Variants in TXNDC11 observed in about 807,000 individuals in gnomAD.
The protein encoded by TXNDC11 is thioredoxin domain containing 11, also known as thioredoxin domain-containing protein 11.
TXNDC11 carries 68 observed loss-of-function variants against 78.0 expected under a neutral mutation model. The observed-to-expected ratio is 0.87, with a 90% CI of 0.72 to 1.07. TXNDC11 has a LOEUF of 1.07. Among genes scored for constraint, TXNDC11 ranks in the 50% least tolerant of loss-of-function variants. The pLI is 0.00. For synonymous variants in TXNDC11, 571 were observed against 495.2 expected (o/e 1.15, Z -2.03); for missense variants, 1,389 against 1,221.8 (o/e 1.14, Z -2.04).
At chr16:11,719,633 A>G (rs905486902) in intron 5 of TXNDC11, among the ~76,000 whole-genome samples, 3 of 152,262 alleles carry the variant, frequency 2.0e-5, no homozygotes, top group African/African-American at 7.2e-5. Context: ...TAATAGGGTC[A>G]TTAATGTGAT....
intron 5 of TXNDC11, among the ~76,000 whole-genome samples, chr16:11,700,977 G>A (rs1341550031): frequency 6.6e-6 from 1 of 152,032 alleles, no homozygotes. Context: ...CCACCTAACA[G>A]CTAATATTTA....
chr16:11,686,785 C>T (rs1230958738), intron 10 of TXNDC11, among the ~76,000 whole-genome samples: 1 of 152,212 alleles, frequency 6.6e-6, no homozygotes, highest in Admixed American at 6.5e-5. Context: ...TCTCAGCCAT[C>T]TTCTAAACCA....
intron 4 of TXNDC11, among the ~76,000 whole-genome samples, chr16:11,725,483 C>A (rs1305429187): frequency 6.6e-6 from 1 of 152,146 alleles, no homozygotes; most frequent in Non-Finnish European, 1.5e-5. Context: ...TGGGTAGATA[C>A]TGAAGTTTCA....
chr16:11,708,040 C>T (rs1442036639), intron 5 of TXNDC11, among the ~76,000 whole-genome samples: 1 of 152,082 alleles, frequency 6.6e-6, no homozygotes, highest in Admixed American at 6.5e-5. Context: ...GCTATAATTG[C>T]ACCACTGCAC....
chr16:11,699,041 C>A (rs1045391908), intron 6 of TXNDC11, among the ~76,000 whole-genome samples: 4 of 152,194 alleles, frequency 2.6e-5, no homozygotes, highest in African/African-American at 9.7e-5. Context: ...TGGCTTCAAA[C>A]AGAACTACCA....
chr16:11,708,599 GA>G (rs2051250840), intron 5 of TXNDC11, among the ~76,000 whole-genome samples: 2 of 152,200 alleles, frequency 1.3e-5, no homozygotes, highest in African/African-American at 4.8e-5. Flanking sequence ...GAACAAAATG[GA>G]ATATCGGGTC....
chr16:11,687,845 A>G lies in TXNDC11; in HGVS notation c.2153+12T>C, dbSNP rs372195541. 180 of 1,583,364 alleles carry G rather than the reference A, an allele frequency of 1.1e-4. 1 individual carries two copies. In the South Asian group the frequency reaches 1.6e-3, roughly 14 times the overall value. ...CATACAGCCCAAAGCGCTGCAGAAG[A>G]GGCCTGCTTACCTTGCCACAGTGAA... is the stretch of plus-strand genomic sequence containing the variant. On this transcript the variant is annotated intron_variant, in intron 10 of 11. Transcript: ENST00000283033.
rs758311372 is a variant in TXNDC11 at position 11,688,300 on chromosome 16, T to C, written c.2043+3A>G. ...TTAACTTTTGCCTCTCATGACTCCATACCTGTTTTTGAAGGACTACTTCCC... is the reference window on the plus strand; with the variant it reads ...TTAACTTTTGCCTCTCATGACTCCACACCTGTTTTTGAAGGACTACTTCCC... On this transcript the variant is annotated splice_donor_region_variant and intron_variant, in intron 9 of 11. Transcript: ENST00000283033. The C allele has an allele frequency of 4.3e-6, 7 of 1,613,134 alleles. No individual in the cohort carries two copies. Among genetic ancestry groups the C allele is most frequent in the African/African-American group, 1.3e-5 (1 of 74,830 alleles).
Position 11,727,379 on chromosome 16 carries a change from A to G in TXNDC11, c.699+3266T>C, listed in dbSNP as rs141911414. 1.6e-4 allele frequency among the ~76,000 whole-genome samples: 24 copies of G among 152,264 alleles called. No individual in the cohort carries two copies. In the East Asian group the frequency reaches 4.2e-3, roughly 27 times the overall value. On this transcript the variant is annotated intron_variant, in intron 4 of 11. Coordinates refer to ENST00000283033, the MANE Select transcript of TXNDC11 (RefSeq NM_015914.7). ...CAAACTTCAGAAGTGCCATGAAAAC[A>G]TTAATTATTTTGACCCAATTTTGAT...
chr16:11,708,022 C>T (rs1334511601), intron 5 of TXNDC11, among the ~76,000 whole-genome samples: 2 of 151,922 alleles, frequency 1.3e-5, no homozygotes, highest in African/African-American at 2.4e-5. Flanking sequence ...AGGTCAAGGC[C>T]GCAGTGAGCT....
chr16:11,741,768 C>G (rs1376314102), intron 1 of TXNDC11: 1 of 152,306 alleles, frequency 6.6e-6, no homozygotes, highest in Non-Finnish European at 1.5e-5. Context: ...GTGCGGGGCT[C>G]TCGCCTGTAA....
At chr16:11,717,743 C>T (rs977771787) in intron 5 of TXNDC11, among the ~76,000 whole-genome samples, 1 of 151,312 alleles carries the variant, frequency 6.6e-6, no homozygotes, top group Admixed American at 6.6e-5. Context: ...ATCACCTGAA[C>T]CTCGGAGGCA....
intron 5 of TXNDC11, among the ~76,000 whole-genome samples, chr16:11,704,392 AAAATTC>A (rs2051118530): frequency 6.6e-6 from 1 of 152,168 alleles, no homozygotes; most frequent in African/African-American, 2.4e-5. Context: ...GATGGAGGCT[AAAATTC>A]ATGAGCAGAA....
intron 5 of TXNDC11, among the ~76,000 whole-genome samples, chr16:11,721,026 G>C (rs1158575864): frequency 6.6e-6 from 1 of 151,898 alleles, no homozygotes; most frequent in African/African-American, 2.4e-5. Context: ...ACGGGCATGA[G>C]CCACTGCGCC....
rs2051400745 is a variant in TXNDC11 at position 11,712,807 on chromosome 16, T to G, written c.793+8770A>C. On this transcript the variant is annotated intron_variant, in intron 5 of 11. Coordinates refer to ENST00000283033, the MANE Select transcript of TXNDC11 (RefSeq NM_015914.7). ...ATCTCTACAAAAAAAATAGAAAAAT[T>G]TGGCCAGGAGTGGTGGACGCCTGTA... Among the ~76,000 whole-genome samples, 7 of 151,654 alleles carry G rather than the reference T, an allele frequency of 4.6e-5. No individual in the cohort carries two copies. In the South Asian group the frequency reaches 1.5e-3, roughly 32 times the overall value.
chr16:11,699,051 A>G (rs2050936767), intron 6 of TXNDC11, among the ~76,000 whole-genome samples: 1 of 152,268 alleles, frequency 6.6e-6, no homozygotes, highest in Non-Finnish European at 1.5e-5. Flanking sequence ...CAGAACTACC[A>G]AAGGGGTGCT....
chr16:11,717,665 C>CA (rs1450252597), intron 5 of TXNDC11, among the ~76,000 whole-genome samples: 1 of 149,822 alleles, frequency 6.7e-6, no homozygotes, highest in Non-Finnish European at 1.5e-5. Context: ...ACTAAAAATA[C>CA]AAAAAATAAG....
chr16:11,692,105 T>C (rs1228523251), intron 7 of TXNDC11, 23 bp from the exon 8 acceptor site: 1 of 1,511,370 alleles, frequency 6.6e-7, no homozygotes, highest in East Asian at 2.3e-5. Context: ...GCAGAGTTGG[T>C]GAAGGGCTTG....
chr16:11,715,961 G>A (rs553090193), intron 5 of TXNDC11, among the ~76,000 whole-genome samples: 4 of 152,124 alleles, frequency 2.6e-5, no homozygotes, highest in Non-Finnish European at 4.4e-5. Context: ...TTACTTGCAC[G>A]CAAAGTATTT....
Sources: allele counts gnomAD v4.1 joint callset (sites outside exome capture counted in the v4.1 genomes callset), GRCh38; gene constraint gnomAD v4.1.1; transcripts MANE v1.5; gene names NCBI Gene and HGNC (gene_info 2026-07-23, HGNC 2026-07-21).